MAPT: variants seen among roughly 807,000 people sequenced by gnomAD.
MAPT encodes microtubule associated protein tau, also known as microtubule-associated protein tau.
A neutral mutation model predicts 67.9 loss-of-function variants in MAPT; 34 were observed. The observed-to-expected ratio is 0.50, with a 90% CI of 0.38 to 0.67. MAPT has a LOEUF of 0.67. MAPT is among the 30% of genes least tolerant of loss of function. MAPT has a pLI of 0.00. For synonymous variants in MAPT, 456 were observed against 464.5 expected, an observed-to-expected ratio of 0.98 and a Z score of 0.23; for missense variants, 881 against 1,115.2, an observed-to-expected ratio of 0.79 and a Z score of 2.99.
chr17:45,946,598 TAAAAA>T (rs763910082), intron 1 of MAPT, among the ~76,000 whole-genome samples: 7 of 60,906 alleles, frequency 1.1e-4, no homozygotes, highest in African/African-American at 5.5e-4. Context: ...GACTCTGTCT[TAAAAA>T]AAAAAAAAAA....
At chr17:45,990,348 T>C (rs1460146687) in intron 7 of MAPT, among the ~76,000 whole-genome samples, 1 of 152,144 alleles carries the variant, frequency 6.6e-6, no homozygotes, top group African/African-American at 2.4e-5. Flanking sequence ...GCACGGTGGC[T>C]CACACCTGTA....
At chr17:46,017,149 C>A (rs1442426195) in intron 11 of MAPT, among the ~76,000 whole-genome samples, 1 of 152,232 alleles carries the variant, frequency 6.6e-6, no homozygotes, top group Non-Finnish European at 1.5e-5. Context: ...GGTGCCACCA[C>A]CCCAGCTGTG....
At chr17:45,926,915 G>GTA (rs756168430) in intron 1 of MAPT, among the ~76,000 whole-genome samples, 3 of 147,300 alleles carry the variant, frequency 2.0e-5, no homozygotes, top group East Asian at 1.9e-4. Flanking sequence ...ATGTATGTGT[G>GTA]TATATATATA....
In MAPT at chr17:46,016,315, C is replaced by G. The variant is rs538716405; in HGVS notation, c.2173+1991C>G. On this transcript the variant is annotated intron_variant, in intron 11 of 12. Coordinates refer to ENST00000262410, the MANE Select transcript of MAPT (RefSeq NM_001377265.1). The stretch of plus-strand genomic sequence containing the variant: ...GCTGAAGCAGGAGAATCACTTGAAC[C>G]CAGGAGGCAGAGGCTGAGTGAGCCA... 2.4e-3 allele frequency among the ~76,000 whole-genome samples: 359 copies of G among 151,152 alleles called. 3 individuals are homozygous for G. Among genetic ancestry groups the G allele is most frequent in the African/African-American group, 8.3e-3 (341 of 41,102 alleles).
At chr17:46,020,012 A>C (rs1378936423) in intron 12 of MAPT, among the ~76,000 whole-genome samples, 1 of 21,204 alleles carries the variant, frequency 4.7e-5, no homozygotes, top group African/African-American at 1.6e-4. Flanking sequence ...ATTCCATCTC[A>C]CAAAAAAAAA....
intron 1 of MAPT, among the ~76,000 whole-genome samples, chr17:45,935,242 C>T (rs1330585531): frequency 6.6e-6 from 1 of 152,146 alleles, no homozygotes; most frequent in Non-Finnish European, 1.5e-5. Context: ...TGGCTCTTCC[C>T]TCAGCCTCCA....
chr17:45,953,812 C>A (rs2069329369), intron 1 of MAPT, among the ~76,000 whole-genome samples: 1 of 152,102 alleles, frequency 6.6e-6, no homozygotes, highest in Admixed American at 6.6e-5. Flanking sequence ...GAGCGAGCAT[C>A]CCCAGCCTCC....
chr17:46,003,060 A>C (rs1468808549), intron 9 of MAPT, among the ~76,000 whole-genome samples: 3 of 151,854 alleles, frequency 2.0e-5, no homozygotes, highest in Non-Finnish European at 4.4e-5. Flanking sequence ...CTGGGATTAC[A>C]GGTGTGAGCC....
At chr17:46,018,509 C>T (rs2076329395) in intron 11 of MAPT, 109 bp from the exon 12 acceptor site, 1 of 854,340 alleles carries the variant, frequency 1.2e-6, no homozygotes, top group African/African-American at 1.6e-5. Context: ...TGTGCCCCAG[C>T]AGCCCCTGGC....
Position 46,026,799 on chromosome 17 carries a change from GAGAAA to G in MAPT, c.*2631_*2635del, listed in dbSNP as rs1429657417. The G allele has an allele frequency of 1.3e-5, 2 of 152,430 alleles. No homozygotes were observed. The highest frequency in any genetic ancestry group is 4.8e-5 in the African/African-American group (2 of 41,450). 9.4% of individuals were successfully genotyped at this position (152,430 alleles called of 1,614,324 possible). ...TTGCACAAACTCCATCTGCTGCCAT[GAGAAA>G]AGGGAAGCCGCCTTTGCAAAACATT... On this transcript the variant is annotated 3_prime_UTR_variant, in exon 13 of 13. Transcript: ENST00000262410.
intron 1 of MAPT, among the ~76,000 whole-genome samples, chr17:45,946,585 G>A (rs1370885778): frequency 1.7e-5 from 2 of 118,508 alleles, no homozygotes; most frequent in East Asian, 2.0e-4. Context: ...GGCGACCGAG[G>A]GGGACTCTGT....
rs2146021105 is a variant in MAPT, at chr17:46,010,458, G to T, written c.2091+56G>T. Reference sequence around the variant, plus strand: ...GCTGTGGCTTGAATTATTAGGAAGTGGTGTGAGTGCGTACACTTGCGAGAC... The same window carrying T: ...GCTGTGGCTTGAATTATTAGGAAGTTGTGTGAGTGCGTACACTTGCGAGAC... On this transcript the variant is annotated intron_variant, in intron 10 of 12. Transcript: ENST00000262410. The surrounding 1 kb of genome is among the most constrained non-coding windows in gnomAD (Gnocchi z 4.7). 1 of 1,219,660 alleles carries T rather than the reference G, an allele frequency of 8.2e-7. No homozygotes were observed. Among genetic ancestry groups the T allele is most frequent in the East Asian group, 2.5e-5 (1 of 39,694 alleles). 75.6% of individuals were successfully genotyped at this position (1,219,660 alleles called of 1,614,324 possible). A position where few individuals can be genotyped will look rare whatever the true frequency, so the allele number is the denominator to read the frequency against.
At chr17:45,920,293 G>A (rs1416749010) in intron 1 of MAPT, among the ~76,000 whole-genome samples, 1 of 152,236 alleles carries the variant, frequency 6.6e-6, no homozygotes, top group Non-Finnish European at 1.5e-5. Context: ...GCTGGAGTTG[G>A]CAGTGGCTAA....
intron 1 of MAPT, among the ~76,000 whole-genome samples, chr17:45,930,934 C>T (rs540329691): frequency 1.3e-5 from 2 of 152,318 alleles, no homozygotes; most frequent in Admixed American, 6.5e-5. Context: ...GCCAGGAGCA[C>T]CATCTTCTGT....
chr17:45,938,434 A>G (rs2067555356), intron 1 of MAPT, among the ~76,000 whole-genome samples: 1 of 152,156 alleles, frequency 6.6e-6, no homozygotes, highest in Non-Finnish European at 1.5e-5. Flanking sequence ...TCCCTCTTCC[A>G]CATGTCAGGA....
chr17:45,968,574 T>C (rs777458442), intron 2 of MAPT, among the ~76,000 whole-genome samples: 21 of 152,344 alleles, frequency 1.4e-4, no homozygotes, highest in Non-Finnish European at 2.6e-4. Context: ...CCCCATGTGC[T>C]TGACGGGGTA....
At chr17:45,937,490 A>T (rs1226330487) in intron 1 of MAPT, among the ~76,000 whole-genome samples, 3 of 151,690 alleles carry the variant, frequency 2.0e-5, no homozygotes, top group Non-Finnish European at 4.4e-5. Context: ...ACTTGGGAGG[A>T]TGAGGTGGGA....
At chr17:45,962,553 G>A in intron 2 of MAPT, 83 bp downstream of exon 2, 2 of 1,529,236 alleles carry the variant, frequency 1.3e-6, no homozygotes, top group Non-Finnish European at 1.8e-6. Context: ...GAATTGCAAA[G>A]AAATTTTAAA....
intron 6 of MAPT, 131 bp from the exon 7 acceptor site, chr17:45,989,747 A>C: frequency 1.2e-6 from 1 of 812,126 alleles, no homozygotes; most frequent in Non-Finnish European, 2.1e-6. Flanking sequence ...TACCTGATTC[A>C]AACAGCCTGG....
Sources: gnomAD v4.1 joint callset for allele counts (sites outside exome capture counted in the v4.1 genomes callset) on GRCh38, gnomAD v4.1.1 for gene constraint, Gnocchi (gnomAD v3.1) non-coding constraint, MANE v1.5 for transcripts, NCBI Gene and HGNC (gene_info 2026-07-23, HGNC 2026-07-21) for gene names.